The following UNC13C variants were observed in gnomAD, a reference collection of about 807,000 sequenced individuals.
UNC13C encodes the protein protein unc-13 homolog C.
In UNC13C, 174 loss-of-function variants were observed where a neutral mutation model predicts 245.4. The ratio of observed to expected loss-of-function variants is 0.71; its 90% CI spans 0.63 to 0.80. UNC13C has a LOEUF of 0.80. Ranked by LOEUF, UNC13C falls within the 30% of genes least tolerant of loss-of-function variation. The probability of loss-of-function intolerance (pLI) is 0.00; values close to 1 mark genes in which losing one functional copy is unlikely to be tolerated. For missense variants in UNC13C, 2,829 were observed against 2,602.9 expected (o/e 1.09, Z -1.89); for synonymous variants, 992 against 895.1 (o/e 1.11, Z -1.93).
chr15:54,052,479 T>C (rs1036430029), intron 2 of UNC13C, among the ~76,000 whole-genome samples: 1 of 152,074 alleles, frequency 6.6e-6, no homozygotes, highest in Non-Finnish European at 1.5e-5. Flanking sequence ...TGGTATCTCA[T>C]TGTGGTTTTG....
intron 2 of UNC13C, among the ~76,000 whole-genome samples, chr15:54,125,518 A>T (rs7165483): frequency 6.6e-6 from 1 of 151,932 alleles, no homozygotes; most frequent in Non-Finnish European, 1.5e-5. Context: ...TTAAGCCTTT[A>T]TATAAATTTG....
At chr15:54,320,178 AC>A (rs1450611539) in intron 13 of UNC13C, among the ~76,000 whole-genome samples, 2 of 151,982 alleles carry the variant, frequency 1.3e-5, no homozygotes, top group Non-Finnish European at 2.9e-5. Context: ...TTGCTACTTT[AC>A]AACTGTGAGA....
chr15:54,465,427 A>G (rs1024697957), intron 19 of UNC13C, among the ~76,000 whole-genome samples: 2 of 152,046 alleles, frequency 1.3e-5, no homozygotes, highest in African/African-American at 4.8e-5. Flanking sequence ...ACAAATAAGG[A>G]TCTGAGTTAT....
chr15:54,129,317 T>C (rs1250529489), intron 2 of UNC13C, among the ~76,000 whole-genome samples: 6 of 152,358 alleles, frequency 3.9e-5, no homozygotes, highest in Non-Finnish European at 8.8e-5. Flanking sequence ...TTTACTCATC[T>C]GTGACACTGG....
Position 54,408,310 on chromosome 15 carries a change from C to T in UNC13C, c.4848-6672C>T, listed in dbSNP as rs925395300. On this transcript the variant is annotated intron_variant, in intron 18 of 32. Coordinates refer to ENST00000260323, the MANE Select transcript of UNC13C (RefSeq NM_001080534.3). ...TCTAGTACACTTTCCTAATCTCTAACGTTACTAAGTCTAAAATGAACGTTA... is the reference window on the plus strand; with the variant it reads ...TCTAGTACACTTTCCTAATCTCTAATGTTACTAAGTCTAAAATGAACGTTA... 1.1e-4 allele frequency among the ~76,000 whole-genome samples: 16 copies of T among 148,046 alleles called. No homozygotes were observed. In the East Asian group the frequency reaches 3.1e-3, roughly 29 times the overall value.
intron 4 of UNC13C, among the ~76,000 whole-genome samples, chr15:54,163,192 A>G (rs1413616578): frequency 1.3e-5 from 2 of 152,226 alleles, no homozygotes; most frequent in African/African-American, 4.8e-5. Flanking sequence ...TCCTAATGAC[A>G]GAGGTGTCAG....
chr15:54,285,895 T>C (rs1241509295), intron 10 of UNC13C, among the ~76,000 whole-genome samples: 1 of 152,070 alleles, frequency 6.6e-6, no homozygotes, highest in African/African-American at 2.4e-5. Flanking sequence ...TTATTTTTTT[T>C]AAGACAGAGT....
At chr15:54,166,276 G>A (rs535773844) in intron 4 of UNC13C, among the ~76,000 whole-genome samples, 18 of 151,944 alleles carry the variant, frequency 1.2e-4, no homozygotes, top group South Asian at 6.2e-4. Flanking sequence ...GCAAACATTC[G>A]TATATTTAGC....
At chr15:53,944,481 G>T in the UNC13C span, among the ~76,000 whole-genome samples, 1 of 151,946 alleles carries the variant, frequency 6.6e-6, no homozygotes, top group Non-Finnish European at 1.5e-5. Flanking sequence ...TCATCATTTA[G>T]CTCCCACTTA....
intron 4 of UNC13C, among the ~76,000 whole-genome samples, chr15:54,210,539 C>A (rs1160191480): frequency 6.6e-6 from 1 of 151,974 alleles, no homozygotes; most frequent in Admixed American, 6.6e-5. Flanking sequence ...ATATGAAATT[C>A]AATTATTTAT....
intron 2 of UNC13C, among the ~76,000 whole-genome samples, chr15:54,113,686 C>T (rs909878819): frequency 2.0e-5 from 3 of 151,956 alleles, no homozygotes; most frequent in African/African-American, 7.3e-5. Flanking sequence ...ATTAGCTGGG[C>T]GTGGTGGCAC....
At chr15:54,517,915 A>AC (rs1258728316) in intron 24 of UNC13C, among the ~76,000 whole-genome samples, 1 of 152,126 alleles carries the variant, frequency 6.6e-6, no homozygotes, top group Non-Finnish European at 1.5e-5. Context: ...ATAAACTCAA[A>AC]CCTCACCTCT....
intron 6 of UNC13C, 30 bp downstream of exon 6, chr15:54,236,465 A>G (rs1567123753): frequency 1.9e-6 from 3 of 1,581,674 alleles, no homozygotes; most frequent in Non-Finnish European, 2.6e-6. Flanking sequence ...TTTAATTAAT[A>G]TTTTGCAGTC....
In UNC13C at chr15:54,014,104, G is replaced by A. The variant is rs768916962; in HGVS notation, c.1201G>A (p.Gly401Ser). The change falls in exon 2 of 33, where the codon GGC becomes AGC. Residue 401 changes from glycine to serine, a missense_variant. Transcript: ENST00000260323. ...LKKSYKLKGT[G>S]IGISTDILTH... is the part of the protein sequence containing the mutation. Reference sequence around the variant, plus strand: ...AAAGTCATATAAACTCAAAGGAACAGGCATTGGAATCTCAACAGATATTCT... The same window carrying A: ...AAAGTCATATAAACTCAAAGGAACAAGCATTGGAATCTCAACAGATATTCT... The A allele has an allele frequency of 1.2e-6, 2 of 1,613,656 alleles. No individual in the cohort carries two copies. The highest frequency in any genetic ancestry group is 2.7e-5 in the African/African-American group (2 of 74,988).
chr15:53,926,998 A>G, the UNC13C span, among the ~76,000 whole-genome samples: 2 of 152,222 alleles, frequency 1.3e-5, no homozygotes, highest in African/African-American at 4.8e-5. Flanking sequence ...TCTTAAGCAG[A>G]TAGATTGTCA....
chr15:53,955,599 A>G, the UNC13C span, among the ~76,000 whole-genome samples: 17 of 152,316 alleles, frequency 1.1e-4, no homozygotes, highest in Admixed American at 3.3e-4. Flanking sequence ...CAGTTTGAGT[A>G]TTTTCTACAG....
intron 2 of UNC13C, among the ~76,000 whole-genome samples, chr15:54,099,341 C>T (rs948055723): frequency 3.9e-5 from 6 of 152,134 alleles, no homozygotes; most frequent in African/African-American, 1.4e-4. Flanking sequence ...GGCTCCAAGA[C>T]TCTGCTGCAA....
intron 4 of UNC13C, among the ~76,000 whole-genome samples, chr15:54,211,317 A>C (rs1312410409): frequency 6.6e-6 from 1 of 152,128 alleles, no homozygotes; most frequent in Non-Finnish European, 1.5e-5. Flanking sequence ...AGATAGAGAT[A>C]AAGGGGAATG....
the UNC13C span, among the ~76,000 whole-genome samples, chr15:53,933,341 C>G: frequency 6.6e-6 from 1 of 151,956 alleles, no homozygotes; most frequent in African/African-American, 2.4e-5. Context: ...GAAAAAACAT[C>G]AACATATGCA....
Sources: gnomAD v4.1 joint callset for allele counts (sites outside exome capture counted in the v4.1 genomes callset) on GRCh38, gnomAD v4.1.1 for gene constraint, MANE v1.5 for transcripts, NCBI Gene and HGNC (gene_info 2026-07-23, HGNC 2026-07-21) for gene names.